GLIS1: variants seen among roughly 807,000 people sequenced by gnomAD.
The protein encoded by GLIS1 is zinc finger protein GLIS1.
A neutral mutation model predicts 63.8 loss-of-function variants in GLIS1; 24 were observed. That is an observed-to-expected ratio of 0.38 (90% CI 0.27 to 0.53). GLIS1 has a LOEUF of 0.53. Among genes scored for constraint, GLIS1 ranks in the 20% least tolerant of loss-of-function variants. The pLI is 0.85. For missense variants in GLIS1, 1,036 were observed against 1,074.1 expected, an observed-to-expected ratio of 0.96 and a Z score of 0.50; for synonymous variants, 450 against 482.5, an observed-to-expected ratio of 0.93 and a Z score of 0.88.
intron 4 of GLIS1, among the ~76,000 whole-genome samples, chr1:53,540,022 C>T (rs1569784583): frequency 6.6e-6 from 1 of 152,218 alleles, no homozygotes; most frequent in South Asian, 2.1e-4. Flanking sequence ...CTCCTTGTCA[C>T]TCTAGGCTTG....
chr1:53,686,221 G>GAGGA (rs1400123284), intron 2 of GLIS1, among the ~76,000 whole-genome samples: 3 of 152,178 alleles, frequency 2.0e-5, no homozygotes, highest in Admixed American at 6.5e-5. Flanking sequence ...GTAAATGAGG[G>GAGGA]AGGAAGGAAG....
chr1:53,657,105 C>T (rs1645974567), intron 2 of GLIS1, among the ~76,000 whole-genome samples: 1 of 152,210 alleles, frequency 6.6e-6, no homozygotes, highest in Non-Finnish European at 1.5e-5. Context: ...CACCCCCGGG[C>T]TAATGCACCG....
At chr1:53,654,683 G>A (rs1051967073) in intron 2 of GLIS1, among the ~76,000 whole-genome samples, 1 of 152,176 alleles carries the variant, frequency 6.6e-6, no homozygotes, top group African/African-American at 2.4e-5. Context: ...TCAGGGAGGA[G>A]GGAGCGAGCC....
chr1:53,532,424 A>G (rs1644540891), intron 4 of GLIS1, among the ~76,000 whole-genome samples: 1 of 152,182 alleles, frequency 6.6e-6, no homozygotes, highest in African/African-American at 2.4e-5. Context: ...CCCAGTCACA[A>G]CTTGGGGCCG....
chr1:53,541,481 C>T (rs1400826206), intron 4 of GLIS1, among the ~76,000 whole-genome samples: 2 of 152,258 alleles, frequency 1.3e-5, no homozygotes, highest in Admixed American at 6.5e-5. Flanking sequence ...GGCCTAGTGG[C>T]CCACATCACA....
At chr1:53,654,345 T>G (rs1569993114) in intron 2 of GLIS1, among the ~76,000 whole-genome samples, 1 of 151,920 alleles carries the variant, frequency 6.6e-6, no homozygotes, top group African/African-American at 2.4e-5. Flanking sequence ...GCCAGGGGGA[T>G]GGAGGAGCCA....
intron 2 of GLIS1, among the ~76,000 whole-genome samples, chr1:53,730,860 C>G (rs1418399446): frequency 7.3e-6 from 1 of 137,226 alleles, no homozygotes; most frequent in Non-Finnish European, 1.6e-5. Flanking sequence ...ACAAAAGACC[C>G]ATTTCTCACA....
intron 2 of GLIS1, among the ~76,000 whole-genome samples, chr1:53,610,634 A>G (rs1418628534): frequency 6.6e-6 from 1 of 152,186 alleles, no homozygotes; most frequent in Non-Finnish European, 1.5e-5. Flanking sequence ...TGACATAACT[A>G]TGGTGTGCCT....
intron 4 of GLIS1, among the ~76,000 whole-genome samples, chr1:53,579,545 G>A (rs1011956799): frequency 6.6e-6 from 1 of 152,210 alleles, no homozygotes; most frequent in Non-Finnish European, 1.5e-5. Context: ...TTAAAGAGCT[G>A]GTGCTTCGAA....
At chr1:53,559,223 C>T (rs749098003) in intron 4 of GLIS1, among the ~76,000 whole-genome samples, 30 of 152,138 alleles carry the variant, frequency 2.0e-4, no homozygotes, top group Admixed American at 1.3e-4. Flanking sequence ...GGGACAGGGA[C>T]CAAGTGTTTC....
At chr1:53,669,607 G>A (rs1475347129) in intron 2 of GLIS1, among the ~76,000 whole-genome samples, 2 of 152,176 alleles carry the variant, frequency 1.3e-5, no homozygotes, top group East Asian at 1.9e-4. Flanking sequence ...GAGGTCCTTC[G>A]GAGAACAAGC....
At chr1:53,509,409 A>G (rs1644274106) in intron 9 of GLIS1, 122 bp from the exon 10 acceptor site, 1 of 1,079,316 alleles carries the variant, frequency 9.3e-7, no homozygotes, top group Admixed American at 2.5e-5. Flanking sequence ...TGGGTGTGAG[A>G]GAGAGAGGAG....
Position 53,600,206 on chromosome 1 carries a change from G to T in GLIS1, c.332C>A (p.Pro111His). The change falls in exon 3 of 11, where the codon CCT (proline) becomes CAT (histidine). Residue 111 changes from proline to histidine, a missense_variant. This residue lies in a region of GLIS1 where 592 missense variants were observed against 593.9 expected (regional missense o/e 1.00). Transcript: ENST00000628545. ...CAGGCCCTGGCAGCAGGTGGGGCCA[G>T]GGCCCTCAGCAAGGTCCAGGTCCAG... ...SLLDLDLAEG[P>H]GPTCCQGLFL... is the part of the protein sequence containing the mutation. The T allele has an allele frequency of 1.6e-6, 2 of 1,232,086 alleles. No individual in the cohort carries two copies. The highest frequency in any genetic ancestry group is 2.0e-6 in the Non-Finnish European group (2 of 987,876). 76.3% of individuals were successfully genotyped at this position (1,232,086 alleles called of 1,614,324 possible).
At chr1:53,732,015 A>G (rs702489) in intron 2 of GLIS1, among the ~76,000 whole-genome samples, 129,528 of 152,246 alleles carry the variant, frequency 0.85, 55,154 homozygotes, top group Non-Finnish European at 0.87. Context: ...AAGATGCTAC[A>G]CAATGGCTCA....
intron 3 of GLIS1, 44 bp downstream of exon 3, chr1:53,600,035 AGGCCTGAGGCCCATGGTCCTGG>A: frequency 1.1e-6 from 1 of 903,242 alleles, no homozygotes; most frequent in Non-Finnish European, 1.5e-6. Context: ...AGAGGAGGTG[AGGCCTGAGGCCCATGGTCCTGG>A]GGCCTCCTGG....
At chr1:53,633,108 G>GTGAA (rs1645683308) in intron 2 of GLIS1, among the ~76,000 whole-genome samples, 1 of 140,220 alleles carries the variant, frequency 7.1e-6, no homozygotes, top group Non-Finnish European at 1.6e-5. Flanking sequence ...TGAGGGGTGT[G>GTGAA]TGAGTGTGAC....
chr1:53,601,038 C>A (rs1645312268), intron 2 of GLIS1, among the ~76,000 whole-genome samples: 1 of 139,948 alleles, frequency 7.1e-6, no homozygotes, highest in South Asian at 2.6e-4. Context: ...GTTTTCTCAT[C>A]TACGGATGAG....
At position 53,737,859 on chromosome 1, in the gene GLIS1, C is replaced by T. The variant is rs2100588588; in HGVS notation, c.206G>A (p.Arg69Gln). The T allele has an allele frequency of 1.6e-6, 2 of 1,231,024 alleles. No individual in the cohort carries two copies. The highest frequency in any genetic ancestry group is 2.0e-6 in the Non-Finnish European group (2 of 987,466). 76.3% of individuals were successfully genotyped at this position (1,231,024 alleles called of 1,614,324 possible). Residue 69 changes from arginine to glutamine, a missense_variant, in exon 2 of 11, where the codon CGG (arginine) becomes CAG (glutamine). Physicochemically the swap from Arg to Gln is conservative, Grantham distance 43. Around this residue, in one of 3 missense-constraint regions of GLIS1, gnomAD observed 592 missense variants for 593.9 expected, o/e 1.00. Coordinates refer to ENST00000628545, the MANE Select transcript of GLIS1 (RefSeq NM_001367484.1). ...APPPRAHDLL[R>Q]PRSPRDYGPS... The stretch of plus-strand genomic sequence containing the variant: ...ACCGTAGTCTCGGGGACTGCGGGGC[C>T]GGAGGAGGTCGTGGGCGCGCGGTGG...
intron 3 of GLIS1, among the ~76,000 whole-genome samples, chr1:53,595,374 G>C (rs781659759): frequency 3.3e-5 from 5 of 152,128 alleles, no homozygotes; most frequent in Non-Finnish European, 7.4e-5. Context: ...TTACAAATTA[G>C]CCAGGTGTGG....
Sources: gnomAD v4.1 joint callset for allele counts (sites outside exome capture counted in the v4.1 genomes callset) on GRCh38, gnomAD v4.1.1 for gene constraint, gnomAD v4.1.1 regional missense constraint, MANE v1.5 for transcripts, NCBI Gene and HGNC (gene_info 2026-07-23, HGNC 2026-07-21) for gene names.